The following WDR64 variants were observed in gnomAD, a reference collection of about 807,000 sequenced individuals.
WDR64 encodes the protein WD repeat domain 64.
In WDR64, 112 loss-of-function variants were observed where a neutral mutation model predicts 139.3. The ratio of observed to expected loss-of-function variants is 0.80; its 90% confidence interval spans 0.69 to 0.94. The LOEUF (loss-of-function observed/expected upper bound fraction) is 0.94. Ranked by LOEUF, WDR64 falls within the 40% of genes least tolerant of loss-of-function variation. The pLI, the probability that WDR64 is intolerant of heterozygous loss-of-function variation, is 0.00. For missense variants in WDR64, 1,206 were observed against 1,293.1 expected, an observed-to-expected ratio of 0.93 and a Z score of 1.03; for synonymous variants, 444 against 437.7, an observed-to-expected ratio of 1.01 and a Z score of -0.18.
Position 241,802,751 on chromosome 1 carries a change from T to C in WDR64, c.*1536T>C, listed in dbSNP as rs1659561336. ...GGAATCTAGGTGGTAGGAATACAGG[T>C]ATTCATTAAAGAACTCTTTCAAATT... On this transcript the variant is annotated 3_prime_UTR_variant, in exon 28 of 28. Transcript: ENST00000437684. Among the ~76,000 whole-genome samples the C allele has an allele frequency of 6.6e-6, 1 of 152,154 alleles. No homozygotes were observed. The highest frequency in any genetic ancestry group is 2.4e-5 in the African/African-American group (1 of 41,442).
Position 241,738,360 on chromosome 1 carries a change from C to T in WDR64, c.1195-3C>T. On this transcript the variant is annotated splice_polypyrimidine_tract_variant and splice_region_variant and intron_variant, in intron 10 of 27. Coordinates refer to ENST00000437684, the MANE Select transcript of WDR64 (RefSeq NM_001367482.1). Reference sequence around the variant, plus strand: ...TGGTAAACTGTGTTTGTTATTCTTCCAGGTTTTCCGGGTGTGGGATATACA... The same window carrying T: ...TGGTAAACTGTGTTTGTTATTCTTCTAGGTTTTCCGGGTGTGGGATATACA... 1 of 1,611,370 alleles carries T rather than the reference C, an allele frequency of 6.2e-7. No individual in the cohort carries two copies.
chr1:241,791,049 G>A (rs1301597017), intron 25 of WDR64, among the ~76,000 whole-genome samples: 1 of 152,148 alleles, frequency 6.6e-6, no homozygotes, highest in East Asian at 1.9e-4. Flanking sequence ...ACTTTTGGGA[G>A]GCCGAGGTGT....
intron 8 of WDR64, among the ~76,000 whole-genome samples, chr1:241,711,295 G>A (rs1159789282): frequency 6.6e-6 from 1 of 152,002 alleles, no homozygotes; most frequent in Non-Finnish European, 1.5e-5. Flanking sequence ...AGTAGTTCTG[G>A]TGAGAGAGGA....
At chr1:241,724,448 A>AT (rs1396440772) in intron 10 of WDR64, among the ~76,000 whole-genome samples, 2 of 152,186 alleles carry the variant, frequency 1.3e-5, no homozygotes. Flanking sequence ...AAATGCAGGA[A>AT]TTAGTTTATG....
chr1:241,723,503 G>T, intron 10 of WDR64, 67 bp downstream of exon 10: 1 of 1,507,150 alleles, frequency 6.6e-7, no homozygotes, highest in South Asian at 1.3e-5. Flanking sequence ...GAAGGCATAG[G>T]GATGATACAA....
chr1:241,766,664 G>A (rs1404270748), intron 16 of WDR64, among the ~76,000 whole-genome samples: 3 of 150,866 alleles, frequency 2.0e-5, no homozygotes, highest in South Asian at 2.1e-4. Flanking sequence ...TCACACCACC[G>A]CACTACATCC....
chr1:241,703,347 C>T lies in WDR64; in HGVS notation c.975-8455C>T, dbSNP rs1255914983. 6.6e-6 allele frequency among the ~76,000 whole-genome samples: 1 copy of T among 152,134 alleles called. No homozygotes were observed. Among genetic ancestry groups the T allele is most frequent in the African/African-American group, 2.4e-5 (1 of 41,430 alleles). On this transcript the variant is annotated intron_variant, in intron 8 of 27. Coordinates refer to ENST00000437684, the MANE Select transcript of WDR64 (RefSeq NM_001367482.1). This position sits in a 1 kb window ranked among gnomAD's most constrained non-coding sequence, Gnocchi z 5.9. ...CCCCTTTACCTTCTACCTGATGACT[C>T]TGCTTCTCTCCCTGCATCACGCTCA...
At chr1:241,747,379 C>A (rs938614670) in intron 13 of WDR64, among the ~76,000 whole-genome samples, 1 of 152,064 alleles carries the variant, frequency 6.6e-6, no homozygotes, top group Non-Finnish European at 1.5e-5. Context: ...AGGATTATAC[C>A]GTAGTCACAT....
intron 20 of WDR64, 93 bp from the exon 21 acceptor site, chr1:241,775,012 G>T: frequency 1.0e-6 from 1 of 952,728 alleles, no homozygotes; most frequent in Non-Finnish European, 1.6e-6. Context: ...TTCTTGAGAT[G>T]CATTATTTAC....
chr1:241,772,367 G>A (rs867002808), intron 19 of WDR64, among the ~76,000 whole-genome samples: 2 of 146,052 alleles, frequency 1.4e-5, no homozygotes, highest in Non-Finnish European at 3.0e-5. Context: ...ATAATGTGTG[G>A]CTTTTGCTAT....
chr1:241,771,780 A>AAT (rs1161651730), intron 19 of WDR64, 83 bp downstream of exon 19: 2 of 800,458 alleles, frequency 2.5e-6, no homozygotes, highest in Non-Finnish European at 1.8e-6. Flanking sequence ...ATTCTTAATG[A>AAT]ATATATATAT....
At chr1:241,667,867 T>A (rs919275611) in intron 2 of WDR64, among the ~76,000 whole-genome samples, 6 of 152,240 alleles carry the variant, frequency 3.9e-5, no homozygotes, top group African/African-American at 1.4e-4. Flanking sequence ...TTGTTTTAAA[T>A]TGCTACTGTT....
chr1:241,784,466 G>T (rs1184500912), intron 23 of WDR64, among the ~76,000 whole-genome samples: 2 of 152,162 alleles, frequency 1.3e-5, no homozygotes, highest in Non-Finnish European at 2.9e-5. Context: ...GGAGGTAAGT[G>T]ATAAATGTCA....
intron 15 of WDR64, among the ~76,000 whole-genome samples, chr1:241,760,788 C>T (rs1251428424): frequency 2.0e-5 from 2 of 97,808 alleles, no homozygotes; most frequent in African/African-American, 4.1e-5. Flanking sequence ...TTTTTTGAGA[C>T]GGAGTCTCAC....
Position 241,757,266 on chromosome 1 carries a change from C to T in WDR64, c.1771-17C>T, listed in dbSNP as rs377041690. ...AATAATTGAACTTTTCATGCACTCA[C>T]TGGATTTCTGTTAAAGGGTAAGGAA... On this transcript the variant is annotated splice_polypyrimidine_tract_variant and intron_variant, in intron 14 of 27. Transcript: ENST00000437684. 3.1e-6 allele frequency: 5 copies of T among 1,603,732 alleles called. No individual in the cohort carries two copies. The highest frequency in any genetic ancestry group is 3.4e-6 in the Non-Finnish European group (4 of 1,175,846).
rs1473023697 is a variant in WDR64 at position 241,801,789 on chromosome 1, A to C, written c.*574A>C. On this transcript the variant is annotated 3_prime_UTR_variant, in exon 28 of 28. Coordinates refer to ENST00000437684, the MANE Select transcript of WDR64 (RefSeq NM_001367482.1). ...AGATAAATATAAAAGACGGCAAAGA[A>C]AGGAAGAAAAATGGGTCATAGAAAT... 1 of 398,320 alleles carries C rather than the reference A, an allele frequency of 2.5e-6. No individual in the cohort carries two copies. Among genetic ancestry groups the C allele is most frequent in the East Asian group, 3.6e-5 (1 of 28,022 alleles). 24.7% of individuals were successfully genotyped at this position (398,320 alleles called of 1,614,324 possible). A position where few individuals can be genotyped will look rare whatever the true frequency, so the allele number is the denominator to read the frequency against.
chr1:241,749,509 C>A (rs1254980955), intron 13 of WDR64, 38 bp from the exon 14 acceptor site: 1 of 1,583,158 alleles, frequency 6.3e-7, no homozygotes. Context: ...TTCTCTAAGT[C>A]ATTTTTACCC....
intron 21 of WDR64, 116 bp downstream of exon 21, chr1:241,775,326 A>G: frequency 1.3e-6 from 1 of 743,064 alleles, no homozygotes; most frequent in Non-Finnish European, 2.1e-6. Context: ...ACTAAGAGGT[A>G]TGCTCAAGCC....
At chr1:241,671,886 C>T (rs1288157553) in intron 3 of WDR64, among the ~76,000 whole-genome samples, 2 of 152,002 alleles carry the variant, frequency 1.3e-5, no homozygotes, top group African/African-American at 2.4e-5. Flanking sequence ...AAAAAAGTAC[C>T]GGGAGTCTGG....
Sources: gnomAD v4.1 joint callset for allele counts (sites outside exome capture counted in the v4.1 genomes callset) on GRCh38, gnomAD v4.1.1 for gene constraint, Gnocchi (gnomAD v3.1) non-coding constraint, MANE v1.5 for transcripts, NCBI Gene and HGNC (gene_info 2026-07-23, HGNC 2026-07-21) for gene names.